The following NAV3 variants were observed in gnomAD, a reference collection of about 807,000 sequenced individuals.
NAV3 encodes the protein neuron navigator 3, also known as pore membrane and/or filament interacting like protein 1.
In NAV3, 87 loss-of-function variants were observed where a neutral mutation model predicts 244.7. The ratio of observed to expected loss-of-function variants is 0.36; its 90% confidence interval spans 0.30 to 0.42. NAV3 has a LOEUF of 0.42. Ranked by LOEUF, NAV3 falls within the 20% of genes least tolerant of loss-of-function variation. The pLI, the probability that NAV3 is intolerant of heterozygous loss-of-function variation, is 1.00. For synonymous variants in NAV3, 1,126 were observed against 1,042.2 expected (o/e 1.08, Z -1.55); for missense variants, 2,663 against 2,893.3 (o/e 0.92, Z 1.83).
At chr12:77,775,615 T>C (rs766774773) in intron 2 of NAV3, among the ~76,000 whole-genome samples, 8 of 152,204 alleles carry the variant, frequency 5.3e-5, no homozygotes, top group Admixed American at 1.3e-4. Flanking sequence ...TATATAAGTA[T>C]GTATACCACG....
At chr12:78,169,424 A>G (rs1471008840) in intron 24 of NAV3, among the ~76,000 whole-genome samples, 3 of 150,930 alleles carry the variant, frequency 2.0e-5, no homozygotes, top group Non-Finnish European at 4.5e-5. Context: ...ATTCTAAACA[A>G]TGAAAGGGGT....
chr12:77,991,791 G>A (rs1432361390), intron 5 of NAV3, among the ~76,000 whole-genome samples: 1 of 152,154 alleles, frequency 6.6e-6, no homozygotes, highest in Non-Finnish European at 1.5e-5. Context: ...CCAGCACTTT[G>A]GGAGGCCGAG....
At chr12:77,687,052 T>A (rs952082758) in intron 2 of NAV3, among the ~76,000 whole-genome samples, 4 of 152,228 alleles carry the variant, frequency 2.6e-5, no homozygotes, top group East Asian at 1.9e-4. Context: ...AAATCTGTAA[T>A]TTCCTGCAAG....
At chr12:78,013,495 A>G (rs771694432) in intron 8 of NAV3, among the ~76,000 whole-genome samples, 2 of 152,152 alleles carry the variant, frequency 1.3e-5, no homozygotes, top group Non-Finnish European at 2.9e-5. Flanking sequence ...AAGGAACCAC[A>G]TAAACAAAGT....
chr12:78,064,399 C>G (rs1387684693), intron 12 of NAV3, among the ~76,000 whole-genome samples: 2 of 108,350 alleles, frequency 1.8e-5, no homozygotes, highest in Non-Finnish European at 4.2e-5. Context: ...CTATCTGTGT[C>G]TGTCTGTCTG....
At chr12:77,992,750 A>G (rs1420959873) in intron 5 of NAV3, among the ~76,000 whole-genome samples, 2 of 152,210 alleles carry the variant, frequency 1.3e-5, no homozygotes, top group Non-Finnish European at 2.9e-5. Context: ...CCTTTAAGAG[A>G]TGTGGAAACA....
intron 8 of NAV3, among the ~76,000 whole-genome samples, chr12:78,020,657 G>T (rs1876997275): frequency 1.3e-5 from 2 of 151,918 alleles, no homozygotes; most frequent in African/African-American, 2.4e-5. Context: ...GTTAAATATT[G>T]ACTATTTCTA....
intron 2 of NAV3, among the ~76,000 whole-genome samples, chr12:77,695,659 C>T (rs1009952724): frequency 6.6e-6 from 1 of 152,084 alleles, no homozygotes; most frequent in Non-Finnish European, 1.5e-5. Flanking sequence ...CCTAATTTAT[C>T]ATGTACAAAA....
chr12:77,966,136 ATTCT>A, intron 3 of NAV3, 89 bp from the exon 4 acceptor site: 2 of 1,066,378 alleles, frequency 1.9e-6, no homozygotes, highest in Non-Finnish European at 2.9e-6. Flanking sequence ...TAAACTATTC[ATTCT>A]TTATCGTTCT....
intron 12 of NAV3, among the ~76,000 whole-genome samples, chr12:78,097,441 A>T (rs1281789882): frequency 6.6e-6 from 1 of 152,130 alleles, no homozygotes; most frequent in Non-Finnish European, 1.5e-5. Context: ...CAGTGCTGGG[A>T]TGTGAATCTC....
intron 5 of NAV3, among the ~76,000 whole-genome samples, chr12:77,972,503 C>T (rs1300952464): frequency 1.3e-5 from 2 of 151,770 alleles, no homozygotes; most frequent in Non-Finnish European, 2.9e-5. Flanking sequence ...TTGCTATATT[C>T]CGAAATATTA....
chr12:77,707,641 T>A (rs770396916), intron 2 of NAV3, among the ~76,000 whole-genome samples: 3 of 152,190 alleles, frequency 2.0e-5, no homozygotes, highest in Non-Finnish European at 1.5e-5. Flanking sequence ...CACCACACTG[T>A]CTTCCACAAT....
chr12:77,625,177 G>C (rs1054675662), intron 2 of NAV3, among the ~76,000 whole-genome samples: 1 of 151,976 alleles, frequency 6.6e-6, no homozygotes, highest in Non-Finnish European at 1.5e-5. Flanking sequence ...TAATATATAT[G>C]TATAAAATAA....
intron 9 of NAV3, among the ~76,000 whole-genome samples, chr12:78,026,998 T>C (rs775970144): frequency 3.3e-5 from 5 of 152,192 alleles, no homozygotes; most frequent in Non-Finnish European, 7.3e-5. Context: ...TTGATATAAA[T>C]GGAAAATAAA....
chr12:77,899,556 A>G (rs1885016121), intron 1 of NAV3, among the ~76,000 whole-genome samples: 2 of 152,232 alleles, frequency 1.3e-5, no homozygotes, highest in South Asian at 4.1e-4. Context: ...TAGACGTAAT[A>G]CTCATGCACA....
chr12:77,860,286 AC>A (rs1262361161), intron 1 of NAV3, among the ~76,000 whole-genome samples: 2 of 150,644 alleles, frequency 1.3e-5, no homozygotes, highest in Admixed American at 1.3e-4. Context: ...GGCTTCCTTT[AC>A]TTTTATATAT....
chr12:77,756,392 G>A (rs1474473884), intron 2 of NAV3, among the ~76,000 whole-genome samples: 1 of 151,828 alleles, frequency 6.6e-6, no homozygotes, highest in East Asian at 1.9e-4. Context: ...CCTATTTTCA[G>A]TGAGATGTAT....
chr12:77,586,917 G>C (rs1211642518), intron 2 of NAV3, among the ~76,000 whole-genome samples: 2 of 152,144 alleles, frequency 1.3e-5, no homozygotes, highest in Non-Finnish European at 2.9e-5. Context: ...AGGAGAATGA[G>C]AATCAGAGTT....
intron 11 of NAV3, among the ~76,000 whole-genome samples, chr12:78,054,661 G>C (rs921955663): frequency 2.0e-5 from 3 of 152,046 alleles, no homozygotes; most frequent in South Asian, 2.1e-4. Flanking sequence ...AATTGATATG[G>C]GAAGCACTGC....
Sources: allele counts gnomAD v4.1 joint callset (sites outside exome capture counted in the v4.1 genomes callset), GRCh38; gene constraint gnomAD v4.1.1; transcripts MANE v1.5; gene names NCBI Gene and HGNC (gene_info 2026-07-23, HGNC 2026-07-21).